The following ASB5 variants were observed in gnomAD, a reference collection of about 807,000 sequenced individuals.
ASB5 encodes ankyrin repeat and SOCS box protein 5.
In ASB5, 45 loss-of-function variants were observed where a neutral mutation model predicts 42.1. The observed-to-expected ratio is 1.07, with a 90% CI of 0.84 to 1.37. ASB5 has a LOEUF of 1.37. ASB5 is among the 40% of genes most tolerant of loss of function. The pLI is 0.00. For missense variants in ASB5, 402 were observed against 399.8 expected (o/e 1.01, Z -0.05); for synonymous variants, 147 against 150.6 (o/e 0.98, Z 0.18).
intron 1 of ASB5, among the ~76,000 whole-genome samples, chr4:176,248,788 T>C (rs185242061): frequency 1.0e-3 from 153 of 152,116 alleles, no homozygotes; most frequent in Non-Finnish European, 1.4e-3. Flanking sequence ...CATATCAATA[T>C]GAGATGTATG....
At chr4:176,232,717 G>A (rs1324753507) in intron 1 of ASB5, among the ~76,000 whole-genome samples, 1 of 152,156 alleles carries the variant, frequency 6.6e-6, no homozygotes, top group African/African-American at 2.4e-5. Context: ...ATGGTTTCAA[G>A]GGAAATAATG....
At chr4:176,263,896 A>G (rs1424862941) in intron 1 of ASB5, among the ~76,000 whole-genome samples, 6 of 152,162 alleles carry the variant, frequency 3.9e-5, no homozygotes, top group Non-Finnish European at 7.3e-5. Context: ...TTATTAATGG[A>G]GAAAAAAAAG....
intron 1 of ASB5, among the ~76,000 whole-genome samples, chr4:176,254,598 A>C (rs528295740): frequency 2.0e-5 from 3 of 152,234 alleles, no homozygotes; most frequent in Non-Finnish European, 1.5e-5. Context: ...AGAAACTATT[A>C]ACGGAGTAAA....
chr4:176,252,844 C>T (rs182407730), intron 1 of ASB5, among the ~76,000 whole-genome samples: 135 of 152,308 alleles, frequency 8.9e-4, no homozygotes, highest in African/African-American at 3.0e-3. Flanking sequence ...GATCAATAAC[C>T]TTGAGCAAAT....
intron 1 of ASB5, among the ~76,000 whole-genome samples, chr4:176,263,204 T>G (rs986514987): frequency 1.3e-5 from 2 of 152,104 alleles, no homozygotes; most frequent in African/African-American, 4.8e-5. Context: ...TGGCTCCCCT[T>G]CCCTTTAGTC....
intron 1 of ASB5, among the ~76,000 whole-genome samples, chr4:176,234,583 G>A (rs922848): frequency 0.13 from 19,567 of 152,136 alleles, 1,565 homozygotes; most frequent in East Asian, 0.35. Context: ...AGACTCAGTT[G>A]ATTTCATTCA....
chr4:176,219,241 AAT>A (rs1302867536), intron 5 of ASB5, among the ~76,000 whole-genome samples: 9 of 114,280 alleles, frequency 7.9e-5, no homozygotes, highest in Non-Finnish European at 1.3e-4. Flanking sequence ...ATGATATATA[AAT>A]ATATATGTAT....
At chr4:176,255,407 A>G (rs1754135669) in intron 1 of ASB5, among the ~76,000 whole-genome samples, 1 of 152,202 alleles carries the variant, frequency 6.6e-6, no homozygotes, top group African/African-American at 2.4e-5. Context: ...AGGCACATGC[A>G]CTTGTATATT....
intron 1 of ASB5, among the ~76,000 whole-genome samples, chr4:176,251,782 A>G (rs1014148772): frequency 1.5e-4 from 23 of 151,560 alleles, no homozygotes; most frequent in Non-Finnish European, 2.2e-4. Context: ...AGAGAAACAC[A>G]TAGGACCAGC....
At chr4:176,268,774 G>T in intron 1 of ASB5, 139 bp downstream of exon 1, 1 of 672,410 alleles carries the variant, frequency 1.5e-6, no homozygotes, top group Non-Finnish European at 2.2e-6. Flanking sequence ...ATAAAGCCAC[G>T]AAGTGAGTTA....
chr4:176,261,910 AT>A (rs1279647571), intron 1 of ASB5, among the ~76,000 whole-genome samples: 3 of 150,950 alleles, frequency 2.0e-5, no homozygotes, highest in African/African-American at 7.3e-5. Context: ...TATAGTATGC[AT>A]TTTATATTAT....
rs918811694 is a variant in ASB5 at position 176,214,393 on chromosome 4, G to C, written c.*1207C>G. On this transcript the variant is annotated 3_prime_UTR_variant, in exon 7 of 7. Coordinates refer to ENST00000296525, the MANE Select transcript of ASB5 (RefSeq NM_080874.4). ...TATTTCTAAAATCATAATAGGCCCT[G>C]AATTACAAAACAGGCATAAAATTTT... The C allele has an allele frequency of 1.3e-5, 2 of 151,982 alleles. No homozygotes were observed. Among genetic ancestry groups the C allele is most frequent in the Non-Finnish European group, 2.9e-5 (2 of 67,978 alleles). 9.4% of individuals were successfully genotyped at this position (151,982 alleles called of 1,614,324 possible).
intron 1 of ASB5, among the ~76,000 whole-genome samples, chr4:176,227,532 C>T (rs1753413633): frequency 6.6e-6 from 1 of 152,208 alleles, no homozygotes; most frequent in African/African-American, 2.4e-5. Flanking sequence ...AACGCTTACA[C>T]AGTCCTCACC....
At chr4:176,225,399 TC>T in intron 1 of ASB5, 58 bp from the exon 2 acceptor site, 1 of 1,408,880 alleles carries the variant, frequency 7.1e-7, no homozygotes, top group Non-Finnish European at 1.0e-6. Flanking sequence ...TCAAAGTGAA[TC>T]CCAGTAGACA....
At chr4:176,268,106 A>G (rs1232690485) in intron 1 of ASB5, among the ~76,000 whole-genome samples, 1 of 145,094 alleles carries the variant, frequency 6.9e-6, no homozygotes, top group African/African-American at 2.4e-5. Flanking sequence ...TCTGAAGACT[A>G]TGAGAATTTA....
At chr4:176,222,107 T>TATA (rs1753230500) in intron 3 of ASB5, among the ~76,000 whole-genome samples, 1 of 152,208 alleles carries the variant, frequency 6.6e-6, no homozygotes, top group Non-Finnish European at 1.5e-5. Context: ...TAGTCTATAT[T>TATA]ATGATGCAGC....
chr4:176,275,326 T>C (rs147287834), intron 2 of ASB5, among the ~76,000 whole-genome samples: 49 of 152,272 alleles, frequency 3.2e-4, no homozygotes, highest in Middle Eastern at 3.4e-3. Flanking sequence ...GCTAATAAAA[T>C]TGGGGTCTAG....
rs1753712942 is a variant in ASB5, at chr4:176,237,413, G to A, written c.197-12072C>T. On this transcript the variant is annotated intron_variant, in intron 1 of 6. Transcript: ENST00000296525. ...GTTCATTTCAACAGCAATATCTGCGGACATAGTTTGGTTGACGTTTTTTGT... is the reference window on the plus strand; with the variant it reads ...GTTCATTTCAACAGCAATATCTGCGAACATAGTTTGGTTGACGTTTTTTGT... 3.0e-6 allele frequency: 3 copies of A among 985,862 alleles called. No individual in the cohort carries two copies. The South Asian group carries it at 1.4e-4, about 46-fold the overall frequency. 61.1% of individuals were successfully genotyped at this position (985,862 alleles called of 1,614,324 possible).
At chr4:176,262,828 A>G (rs1473338477) in intron 1 of ASB5, among the ~76,000 whole-genome samples, 1 of 152,218 alleles carries the variant, frequency 6.6e-6, no homozygotes, top group Admixed American at 6.5e-5. Context: ...GAAGAGATGA[A>G]CAAAAGATAT....
Sources: allele counts gnomAD v4.1 joint callset (sites outside exome capture counted in the v4.1 genomes callset), GRCh38; gene constraint gnomAD v4.1.1; transcripts MANE v1.5; gene names NCBI Gene and HGNC (gene_info 2026-07-23, HGNC 2026-07-21).